CORIN: variants seen among roughly 807,000 people sequenced by gnomAD.
CORIN encodes the protein corin, serine peptidase, also known as atrial natriuretic peptide-converting enzyme.
Under a neutral mutation model 125.3 loss-of-function variants are expected in CORIN, and 117 were observed. The ratio of observed to expected loss-of-function variants is 0.93; its 90% confidence interval spans 0.80 to 1.09. The LOEUF (loss-of-function observed/expected upper bound fraction) is 1.09. Ranked by LOEUF, CORIN falls within the 50% of genes least tolerant of loss-of-function variation. The pLI is 0.00. For synonymous variants in CORIN, 450 were observed against 466.4 expected (o/e 0.96, Z 0.45); for missense variants, 1,253 against 1,306.7 (o/e 0.96, Z 0.63).
chr4:47,620,719 G>C (rs1722271929), intron 19 of CORIN, among the ~76,000 whole-genome samples: 1 of 152,232 alleles, frequency 6.6e-6, no homozygotes, highest in Non-Finnish European at 1.5e-5. Flanking sequence ...TTACCTTTCG[G>C]TGTCTTACTG....
chr4:47,771,826 AG>A (rs1453135894), intron 3 of CORIN, among the ~76,000 whole-genome samples: 2 of 152,252 alleles, frequency 1.3e-5, no homozygotes, highest in African/African-American at 2.4e-5. Flanking sequence ...ATTTGTAAAA[AG>A]TCTTTACAGA....
At chr4:47,744,670 G>T in intron 4 of CORIN, 87 bp from the exon 5 acceptor site, 1 of 1,248,104 alleles carries the variant, frequency 8.0e-7, no homozygotes. Flanking sequence ...TAGCCCCTGT[G>T]TTGTGATATT....
intron 4 of CORIN, among the ~76,000 whole-genome samples, chr4:47,752,781 T>C (rs942050928): frequency 4.6e-5 from 7 of 150,974 alleles, no homozygotes; most frequent in Admixed American, 1.3e-4. Context: ...TAAAAGTCCA[T>C]ACTCTTTTAA....
At chr4:47,810,723 C>T (rs1353737439) in intron 1 of CORIN, among the ~76,000 whole-genome samples, 4 of 152,138 alleles carry the variant, frequency 2.6e-5, no homozygotes, top group East Asian at 1.9e-4. Flanking sequence ...CACATTCACT[C>T]GCTCCCCAGG....
At chr4:47,750,502 A>G (rs1728849489) in intron 4 of CORIN, among the ~76,000 whole-genome samples, 1 of 152,224 alleles carries the variant, frequency 6.6e-6, no homozygotes, top group African/African-American at 2.4e-5. Context: ...ACAGAAGGAA[A>G]AGGTACAGGC....
chr4:47,837,937 G>T lies in CORIN; in HGVS notation c.13C>A (p.Pro5Thr). 1 of 1,613,330 alleles carries T rather than the reference G, an allele frequency of 6.2e-7. No individual in the cohort carries two copies. MKQS[P>T]ALAPEERCRR... ...CAGCGCTCTTCCGGAGCGAGGGCAG[G>T]AGACTGTTTCATGGATAAAAAGTCT... The change falls in exon 1 of 22, where the codon CCT becomes ACT. Residue 5 changes from proline to threonine, a missense_variant. Coordinates refer to ENST00000273857, the MANE Select transcript of CORIN (RefSeq NM_006587.4).
intron 4 of CORIN, among the ~76,000 whole-genome samples, chr4:47,749,197 C>G (rs1173663391): frequency 3.3e-5 from 5 of 151,998 alleles, no homozygotes; most frequent in African/African-American, 7.3e-5. Context: ...GGTATTCATG[C>G]CCTGTTTAAT....
chr4:47,627,129 C>T (rs1722609699), intron 16 of CORIN, among the ~76,000 whole-genome samples: 1 of 151,982 alleles, frequency 6.6e-6, no homozygotes, highest in African/African-American at 2.4e-5. Context: ...ATCACAGGTA[C>T]ATGCAATCAC....
rs977130985 is a variant in CORIN at position 47,661,674 on chromosome 4, T to C, written c.1735+37A>G. 4 of 1,562,848 alleles carry C rather than the reference T, an allele frequency of 2.6e-6. No homozygotes were observed. In the African/African-American group the frequency reaches 5.4e-5, roughly 21 times the overall value. The stretch of plus-strand genomic sequence containing the variant: ...AAAAGGTAGCTAACATGTTCATCCA[T>C]GTTAGATACCCTGCTGTAATTAATT... On this transcript the variant is annotated intron_variant, in intron 12 of 21. Transcript: ENST00000273857.
At chr4:47,677,145 T>C (rs754878336) in intron 9 of CORIN, among the ~76,000 whole-genome samples, 48 of 152,140 alleles carry the variant, frequency 3.2e-4, no homozygotes, top group Non-Finnish European at 6.3e-4. Flanking sequence ...ATATATTGAG[T>C]TTTTGCCATA....
intron 4 of CORIN, among the ~76,000 whole-genome samples, chr4:47,748,943 C>A (rs1160173441): frequency 6.6e-6 from 1 of 152,070 alleles, no homozygotes; most frequent in African/African-American, 2.4e-5. Flanking sequence ...TTATTAGAAC[C>A]AGGACATTAG....
intron 6 of CORIN, among the ~76,000 whole-genome samples, chr4:47,684,375 T>C (rs755604661): frequency 5.3e-5 from 8 of 152,218 alleles, no homozygotes; most frequent in Non-Finnish European, 1.0e-4. Context: ...GGTGGCAAGA[T>C]GAGAAGTGCT....
intron 13 of CORIN, 35 bp from the exon 14 acceptor site, chr4:47,645,229 G>A (rs1181519850): frequency 4.1e-6 from 5 of 1,211,486 alleles, no homozygotes; most frequent in African/African-American, 1.5e-5. Flanking sequence ...TGCAATAGAC[G>A]TGGAATTGAA....
At chr4:47,673,371 G>A (rs1256154474) in intron 10 of CORIN, among the ~76,000 whole-genome samples, 2 of 147,454 alleles carry the variant, frequency 1.4e-5, no homozygotes, top group African/African-American at 5.0e-5. Flanking sequence ...GCCAGACTCT[G>A]TCTCAGAAAA....
chr4:47,669,572 C>T (rs1257209292), intron 10 of CORIN, among the ~76,000 whole-genome samples: 29 of 135,492 alleles, frequency 2.1e-4, no homozygotes, highest in African/African-American at 8.1e-4. Context: ...TATATATATG[C>T]TTTTTTTTTT....
At chr4:47,789,749 G>C (rs903710451) in intron 2 of CORIN, among the ~76,000 whole-genome samples, 1 of 152,162 alleles carries the variant, frequency 6.6e-6, no homozygotes, top group East Asian at 1.9e-4. Context: ...GGCCGGGCGC[G>C]GTGGCTCACG....
In CORIN at chr4:47,661,823, C is replaced by T. The variant is rs780532960; in HGVS notation, c.1623G>A (p.Glu541=). The part of the protein sequence containing the change: ...ALCEHSKERC[E]SVLGIVGLQW... ...GTAGGCCCACAATCCCAAGAACAGACTCACAGCGTTCTTTAGAGTGTTCAC... is the reference window on the plus strand; with the variant it reads ...GTAGGCCCACAATCCCAAGAACAGATTCACAGCGTTCTTTAGAGTGTTCAC... Residue 541 remains glutamate, a synonymous_variant, in exon 12 of 22, where the codon GAG becomes GAA. Transcript: ENST00000273857. 3.7e-6 allele frequency: 6 copies of T among 1,613,204 alleles called. No individual in the cohort carries two copies. Among genetic ancestry groups the T allele is most frequent in the Middle Eastern group, 3.3e-4 (2 of 6,058 alleles).
At chr4:47,646,435 C>T (rs1343606984) in intron 13 of CORIN, among the ~76,000 whole-genome samples, 1 of 152,168 alleles carries the variant, frequency 6.6e-6, no homozygotes, top group Non-Finnish European at 1.5e-5. Context: ...AATGTAATAA[C>T]TTGAACTGTA....
chr4:47,751,689 C>G (rs1339053962), intron 4 of CORIN, among the ~76,000 whole-genome samples: 1 of 152,170 alleles, frequency 6.6e-6, no homozygotes, highest in East Asian at 1.9e-4. Context: ...TACCTCCATG[C>G]CTTGTAAACT....
Sources: allele counts gnomAD v4.1 joint callset (sites outside exome capture counted in the v4.1 genomes callset), GRCh38; gene constraint gnomAD v4.1.1; transcripts MANE v1.5; gene names NCBI Gene and HGNC (gene_info 2026-07-23, HGNC 2026-07-21).